The following UMODL1 variants were observed in gnomAD, a reference collection of about 807,000 sequenced individuals.
The protein encoded by UMODL1 is uromodulin like 1.
A neutral mutation model predicts 136.3 loss-of-function variants in UMODL1; 128 were observed. The observed-to-expected ratio is 0.94, with a 90% CI of 0.81 to 1.09. The LOEUF (loss-of-function observed/expected upper bound fraction) is 1.09, where lower values mean the gene tolerates loss of function less well. Among genes scored for constraint, UMODL1 ranks in the 50% least tolerant of loss-of-function variants. The pLI, the probability that UMODL1 is intolerant of heterozygous loss-of-function variation, is 0.00. For missense variants in UMODL1, 1,766 were observed against 1,725.6 expected, an observed-to-expected ratio of 1.02 and a Z score of -0.41; for synonymous variants, 721 against 720.0, an observed-to-expected ratio of 1.00 and a Z score of -0.02.
chr21:42,093,612 A>G, intron 6 of UMODL1: 1 of 237,374 alleles, frequency 4.2e-6, no homozygotes, highest in Non-Finnish European at 8.5e-6. Context: ...GGCGGGCTCC[A>G]GGGTCAGATC....
rs776450410 is a variant in UMODL1, at chr21:42,127,004, A to G, written c.3294-2A>G. ...CCTCCTGCAAGCTGCTTCCTCTTGC[A>G]GGGTTTACACCATCATCGAGGACCT... On this transcript the variant is annotated splice_acceptor_variant, in intron 18 of 22. Coordinates refer to ENST00000408910, the MANE Select transcript of UMODL1 (RefSeq NM_001004416.3). LOFTEE classifies it high-confidence loss of function. The G allele has an allele frequency of 1.2e-6, 2 of 1,613,764 alleles. No homozygotes were observed. Among genetic ancestry groups the G allele is most frequent in the South Asian group, 1.1e-5 (1 of 91,076 alleles).
At chr21:42,136,908 C>T (rs2067211976) in intron 21 of UMODL1, among the ~76,000 whole-genome samples, 1 of 152,092 alleles carries the variant, frequency 6.6e-6, no homozygotes, top group South Asian at 2.1e-4. Flanking sequence ...CAGACATGCG[C>T]CACCATGCCC....
chr21:42,129,022 G>C (rs2067099228), intron 20 of UMODL1, among the ~76,000 whole-genome samples: 1 of 152,008 alleles, frequency 6.6e-6, no homozygotes, highest in African/African-American at 2.4e-5. Flanking sequence ...CCCAGCTTCT[G>C]GTGGCCTCGG....
intron 2 of UMODL1, among the ~76,000 whole-genome samples, chr21:42,083,579 C>T (rs1229934757): frequency 6.6e-6 from 1 of 152,258 alleles, no homozygotes; most frequent in Non-Finnish European, 1.5e-5. Flanking sequence ...TCCAATCCCC[C>T]ACACTGCTTC....
chr21:42,069,229 AACACACACAC>A (rs61712292), upstream of UMODL1, among the ~76,000 whole-genome samples: 286 of 136,406 alleles, frequency 2.1e-3, 3 homozygotes, highest in African/African-American at 7.3e-3. Flanking sequence ...CACAGACAGA[AACACACACAC>A]ACACACACAC....
chr21:42,126,930 G>A, intron 18 of UMODL1, 76 bp from the exon 19 acceptor site: 2 of 1,176,010 alleles, frequency 1.7e-6, no homozygotes, highest in East Asian at 2.3e-5. Context: ...GTGTTTTAGG[G>A]GAGAAGTGGG....
Position 42,084,235 on chromosome 21 carries a change from T to C in UMODL1, c.471T>C (p.Pro157=). 6.2e-7 allele frequency: 1 copy of C among 1,612,942 alleles called. No individual in the cohort carries two copies. Among genetic ancestry groups the C allele is most frequent in the Non-Finnish European group, 8.5e-7 (1 of 1,179,884 alleles). The change falls in exon 3 of 23, where the codon CCT becomes CCC. Residue 157 remains proline, a synonymous_variant. Transcript: ENST00000408910. ...PWSGGRYCMA[P]APQAPERDPV... ...CAGGGGGGCGCTACTGCATGGCCCC[T>C]GCACCCCAAGGTAGGCTGCTGCGGG...
intron 20 of UMODL1, among the ~76,000 whole-genome samples, chr21:42,128,884 C>T (rs1358369782): frequency 6.6e-6 from 1 of 152,216 alleles, no homozygotes; most frequent in Non-Finnish European, 1.5e-5. Context: ...GAACGTACCA[C>T]AAACTGAGCG....
intron 14 of UMODL1, 88 bp from the exon 15 acceptor site, chr21:42,119,023 G>A (rs1481741964): frequency 2.7e-5 from 37 of 1,373,760 alleles, no homozygotes; most frequent in Non-Finnish European, 3.7e-5. Flanking sequence ...CCCTGCTGCT[G>A]GGCAGACTGG....
Position 42,110,955 on chromosome 21 carries a change from C to G in UMODL1, c.1733C>G (p.Thr578Arg). ...GVTVPGLGTG[T>R]AALGLENFTL... ...ACGGTCCCAGGTCTTGGCACGGGAA[C>G]AGCAGCCCTCGGCCTAGAGAACTTC... Residue 578 changes from threonine (T) to arginine (R), a missense_variant, in exon 11 of 23, where the codon ACA (threonine) becomes AGA (arginine). Coordinates refer to ENST00000408910, the MANE Select transcript of UMODL1 (RefSeq NM_001004416.3). 3.7e-6 allele frequency: 6 copies of G among 1,613,214 alleles called. No homozygotes were observed. Among genetic ancestry groups the G allele is most frequent in the Non-Finnish European group, 5.1e-6 (6 of 1,179,832 alleles).
chr21:42,115,921 C>T lies in UMODL1; in HGVS notation c.2411C>T (p.Ser804Leu), dbSNP rs2146515234. The T allele has an allele frequency of 6.2e-7, 1 of 1,614,084 alleles. No individual in the cohort carries two copies. Among genetic ancestry groups the T allele is most frequent in the Non-Finnish European group, 8.5e-7 (1 of 1,180,016 alleles). ...GKVRIKNVRY[S>L]ESFRNASSQE... ...GTCAGAATCAAAAATGTCAGGTACT[C>T]AGAATCCTTTCGCAACGCAAGCAGC... The change falls in exon 14 of 23, where the codon TCA becomes TTA. Residue 804 changes from serine (S) to leucine (L), a missense_variant. Coordinates refer to ENST00000408910, the MANE Select transcript of UMODL1 (RefSeq NM_001004416.3).
Position 42,142,789 on chromosome 21 carries a change from G to T in UMODL1, c.*715G>T, listed in dbSNP as rs12481805. The stretch of plus-strand genomic sequence containing the variant: ...TCACAGCCGTTTCTTCATATAATCC[G>T]ACCACAGTGGGAGGTGTGATTTACC... On this transcript the variant is annotated 3_prime_UTR_variant, in exon 23 of 23. Coordinates refer to ENST00000408910, the MANE Select transcript of UMODL1 (RefSeq NM_001004416.3). The T allele has an allele frequency of 8.6e-5, 13 of 151,974 alleles. No homozygotes were observed. The highest frequency in any genetic ancestry group is 3.1e-4 in the African/African-American group (13 of 41,352). The allele number at this position is 151,974 out of a possible 1,614,324, so 9.4% of individuals were successfully genotyped here.
chr21:42,071,883 C>CAA (rs71274595), intron 1 of UMODL1, among the ~76,000 whole-genome samples: 4 of 137,680 alleles, frequency 2.9e-5, no homozygotes, highest in Admixed American at 7.3e-5. Context: ...CCATGTGTAC[C>CAA]AAAAAAAAAA....
rs754756865 is a variant in UMODL1, at chr21:42,113,641, G to A, written c.2173G>A (p.Ala725Thr). ...TSTGFHLAWE[A>T]DLAMDSTFQL... Reference sequence around the variant, plus strand: ...CACCGGCTTCCACCTGGCATGGGAGGCGGATCTTGCTATGGACTCCACCTT... The same window carrying A: ...CACCGGCTTCCACCTGGCATGGGAGACGGATCTTGCTATGGACTCCACCTT... Residue 725 changes from alanine to threonine, a missense_variant, in exon 13 of 23, where the codon GCG (alanine) becomes ACG (threonine). By Grantham distance (58) the Ala-to-Thr change is moderately conservative. Transcript: ENST00000408910. The A allele has an allele frequency of 6.2e-7, 1 of 1,614,108 alleles. No homozygotes were observed. Among genetic ancestry groups the A allele is most frequent in the South Asian group, 1.1e-5 (1 of 91,080 alleles).
intron 13 of UMODL1, among the ~76,000 whole-genome samples, chr21:42,114,935 T>C (rs1382472015): frequency 2.0e-5 from 3 of 152,216 alleles, no homozygotes; most frequent in African/African-American, 4.8e-5. Flanking sequence ...ACTGATGGCT[T>C]TCAGACTGGG....
At chr21:42,071,059 G>A (rs923897158), upstream of UMODL1, among the ~76,000 whole-genome samples, 3 of 152,234 alleles carry the variant, frequency 2.0e-5, no homozygotes, top group East Asian at 1.9e-4. Context: ...GATGCCATCT[G>A]CTTGGAGCAG....
chr21:42,136,329 C>T (rs1002005535), intron 21 of UMODL1, among the ~76,000 whole-genome samples: 1 of 152,238 alleles, frequency 6.6e-6, no homozygotes, highest in African/African-American at 2.4e-5. Flanking sequence ...ACATTTTCCT[C>T]ACCCTAAATG....
In UMODL1 at chr21:42,075,859, A is replaced by T. The variant is rs546483823; in HGVS notation, c.77-146A>T. 14 of 1,161,946 alleles carry T rather than the reference A, an allele frequency of 1.2e-5. No individual in the cohort carries two copies. The South Asian group carries it at 2.0e-4, about 17-fold the overall frequency. The allele number at this position is 1,161,946 out of a possible 1,614,324, so 72.0% of individuals were successfully genotyped here. A position where few individuals can be genotyped will look rare whatever the true frequency, so the allele number is the denominator to read the frequency against. ...CACTAGCAGGCAAAGGCCAGTGGAG[A>T]GGGCTGGTGGGCAGCTTCTGAGAGG... On this transcript the variant is annotated intron_variant, in intron 1 of 22. Coordinates refer to ENST00000408910, the MANE Select transcript of UMODL1 (RefSeq NM_001004416.3).
Position 42,111,017 on chromosome 21 carries a change from C to T in UMODL1, c.1795C>T (p.Pro599Ser), listed in dbSNP as rs776013024. 11 of 1,613,010 alleles carry T rather than the reference C, an allele frequency of 6.8e-6. No individual in the cohort carries two copies. Among genetic ancestry groups the T allele is most frequent in the Non-Finnish European group, 9.3e-6 (11 of 1,179,706 alleles). Residue 599 changes from proline to serine, a missense_variant, in exon 11 of 23, where the codon CCG (proline) becomes TCG (serine). Physicochemically the swap from Pro to Ser is moderately conservative, Grantham distance 74 (BLOSUM62 -1). Coordinates refer to ENST00000408910, the MANE Select transcript of UMODL1 (RefSeq NM_001004416.3). ...SPSPGYPQGT[P>S]AAGQAWTPEP... The stretch of plus-strand genomic sequence containing the variant: ...CAGTCCTGGGTACCCTCAGGGCACC[C>T]CGGCAGCAGGCCAGGCCTGGACCCC...
Sources: gnomAD v4.1 joint callset for allele counts (sites outside exome capture counted in the v4.1 genomes callset) on GRCh38, gnomAD v4.1.1 for gene constraint, MANE v1.5 for transcripts, NCBI Gene and HGNC (gene_info 2026-07-23, HGNC 2026-07-21) for gene names.